Variants in SLC12A8 observed in about 807,000 individuals in gnomAD.
SLC12A8 encodes solute carrier family 12 member 8, also known as cation-chloride cotransporter 9.
SLC12A8 carries 69 observed loss-of-function variants against 75.6 expected under a neutral mutation model. The ratio of observed to expected loss-of-function variants is 0.91; its 90% confidence interval spans 0.75 to 1.11. The LOEUF is 1.11. Among genes scored for constraint, SLC12A8 ranks in the 50% most tolerant of loss-of-function variants. The pLI, the probability that SLC12A8 is intolerant of heterozygous loss-of-function variation, is 0.00. For missense variants in SLC12A8, 877 were observed against 896.7 expected (o/e 0.98, Z 0.28); for synonymous variants, 365 against 372.8 (o/e 0.98, Z 0.24).
intron 2 of SLC12A8, among the ~76,000 whole-genome samples, chr3:125,201,917 AT>A (rs56202034): frequency 0.079 from 11,962 of 151,760 alleles, 678 homozygotes; most frequent in South Asian, 0.22. Context: ...TTTTAATTTA[AT>A]TTTTTTTGAG....
chr3:125,203,224 A>C (rs1935162754), intron 2 of SLC12A8, among the ~76,000 whole-genome samples: 1 of 152,088 alleles, frequency 6.6e-6, no homozygotes, highest in Non-Finnish European at 1.5e-5. Context: ...ATAAATAGAA[A>C]AAAAAAACCC....
chr3:125,211,505 G>A (rs1466622088), intron 1 of SLC12A8, 111 bp from the exon 2 acceptor site: 2 of 701,230 alleles, frequency 2.9e-6, no homozygotes, highest in Middle Eastern at 2.4e-4. Context: ...GGCCCTGGCT[G>A]AGGAAGAAAC....
At chr3:125,101,019 C>CAAAAAAA (rs59602383) in intron 10 of SLC12A8, among the ~76,000 whole-genome samples, 9 of 86,724 alleles carry the variant, frequency 1.0e-4, no homozygotes, top group Admixed American at 1.4e-4. Flanking sequence ...GACTCCGTCT[C>CAAAAAAA]AAAAAAAAAA....
intron 12 of SLC12A8, 138 bp from the exon 13 acceptor site, chr3:125,088,508 TA>T (rs975873740): frequency 7.6e-5 from 52 of 688,026 alleles, no homozygotes; most frequent in Non-Finnish European, 7.1e-5. Flanking sequence ...TTTTTCAGTC[TA>T]AACAAATAAT....
At chr3:125,104,565 T>C (rs895402333) in intron 10 of SLC12A8, among the ~76,000 whole-genome samples, 1 of 149,660 alleles carries the variant, frequency 6.7e-6, no homozygotes, top group African/African-American at 2.5e-5. Context: ...GTCTTGGAAA[T>C]TAAAAACTGG....
intron 7 of SLC12A8, among the ~76,000 whole-genome samples, chr3:125,119,533 G>A (rs1278852237): frequency 6.6e-6 from 1 of 152,240 alleles, no homozygotes; most frequent in Non-Finnish European, 1.5e-5. Context: ...GTAATCAGAG[G>A]ATGGGCCAAG....
Position 125,131,567 on chromosome 3 carries a change from T to C in SLC12A8, c.736+4102A>G, listed in dbSNP as rs548323216. Among the ~76,000 whole-genome samples, 22 of 152,204 alleles carry C rather than the reference T, an allele frequency of 1.4e-4. No homozygotes were observed. In the East Asian group the frequency reaches 2.1e-3, roughly 15 times the overall value. On this transcript the variant is annotated intron_variant, in intron 6 of 13. Transcript: ENST00000469902. ...CACACCTGGCTAATTTTTGTATTTTTAGTAGAGATGGGGTTTCACCATGTT... is the reference window on the plus strand; with the variant it reads ...CACACCTGGCTAATTTTTGTATTTTCAGTAGAGATGGGGTTTCACCATGTT...
intron 5 of SLC12A8, among the ~76,000 whole-genome samples, chr3:125,138,832 AC>A (rs1447740793): frequency 6.8e-6 from 1 of 146,382 alleles, no homozygotes; most frequent in East Asian, 2.0e-4. Flanking sequence ...ACACAGAAAG[AC>A]CCCTTCTACA....
chr3:125,099,789 A>G (rs562555007), intron 10 of SLC12A8, among the ~76,000 whole-genome samples: 2 of 152,260 alleles, frequency 1.3e-5, no homozygotes, highest in South Asian at 4.1e-4. Flanking sequence ...TTAGCTGAGC[A>G]TGGTGGTGGG....
At chr3:125,188,989 T>C (rs1018177562) in intron 3 of SLC12A8, among the ~76,000 whole-genome samples, 4 of 152,216 alleles carry the variant, frequency 2.6e-5, no homozygotes, top group African/African-American at 9.7e-5. Context: ...TTTGCCTATG[T>C]AATGGTTAAT....
At chr3:125,094,882 T>G (rs138877560) in intron 10 of SLC12A8, among the ~76,000 whole-genome samples, 1 of 152,338 alleles carries the variant, frequency 6.6e-6, no homozygotes, top group East Asian at 1.9e-4. Flanking sequence ...CCTCATCCCA[T>G]TTGATCTTTC....
At chr3:125,084,560 GC>G (rs1325273226) in intron 13 of SLC12A8, among the ~76,000 whole-genome samples, 1 of 152,242 alleles carries the variant, frequency 6.6e-6, no homozygotes, top group African/African-American at 2.4e-5. Context: ...CACCAAGGTG[GC>G]CTCAGGTGAA....
intron 8 of SLC12A8, among the ~76,000 whole-genome samples, chr3:125,114,657 C>T (rs189212026): frequency 1.3e-5 from 2 of 152,178 alleles, no homozygotes; most frequent in Non-Finnish European, 2.9e-5. Context: ...GAACTCCTGA[C>T]CTCAAGTGAT....
chr3:125,143,523 G>C lies in SLC12A8; in HGVS notation c.623-7741C>G, dbSNP rs572301191. The stretch of plus-strand genomic sequence containing the variant: ...AGAGGGTGGAGAGAGGATGTGCACA[G>C]GGTTTCCAGCCTAAGACCCCACCCA... On this transcript the variant is annotated intron_variant, in intron 5 of 13. Transcript: ENST00000469902. 1.3e-4 allele frequency among the ~76,000 whole-genome samples: 20 copies of C among 152,364 alleles called. No individual in the cohort carries two copies. The South Asian group carries it at 4.1e-3, about 32-fold the overall frequency.
chr3:125,094,124 T>C (rs1171851835), intron 10 of SLC12A8, among the ~76,000 whole-genome samples: 2 of 152,202 alleles, frequency 1.3e-5, no homozygotes, highest in African/African-American at 2.4e-5. Context: ...TTACACTTCC[T>C]AAATCATGAC....
Position 125,091,525 on chromosome 3 carries a change from A to C in SLC12A8, c.1835T>G (p.Ile612Arg). The change falls in exon 12 of 14, where the codon ATA becomes AGA. Residue 612 changes from isoleucine (I) to arginine (R), a missense_variant. By Grantham distance (97) the Ile-to-Arg change is moderately conservative. Transcript: ENST00000469902. ...AVGSLLIMFV[I>R]QWVYTLVNMG... ...GTTAACCAGGGTATACACCCACTGT[A>C]TCACAAACATGATGAGAAGGGACCC... is the stretch of plus-strand genomic sequence containing the variant. The C allele has an allele frequency of 6.2e-7, 1 of 1,614,006 alleles. No individual in the cohort carries two copies. The highest frequency in any genetic ancestry group is 2.2e-5 in the East Asian group (1 of 44,886).
chr3:125,134,111 C>T (rs1279053315), intron 6 of SLC12A8, among the ~76,000 whole-genome samples: 1 of 151,470 alleles, frequency 6.6e-6, no homozygotes, highest in Non-Finnish European at 1.5e-5. Flanking sequence ...AGTTATTTTT[C>T]TTTGTTTAGA....
chr3:125,083,780 G>C lies in SLC12A8; in HGVS notation c.*110C>G. ...TTTCCATTGTCCAAAGTGACAGCGG[G>C]AGGATGGGTCTTGAGTTTCTCAGGT... On this transcript the variant is annotated 3_prime_UTR_variant, in exon 14 of 14. Coordinates refer to ENST00000469902, the MANE Select transcript of SLC12A8 (RefSeq NM_024628.6). The C allele has an allele frequency of 9.6e-7, 1 of 1,038,466 alleles. No individual in the cohort carries two copies. The highest frequency in any genetic ancestry group is 1.4e-6 in the Non-Finnish European group (1 of 726,532). 64.3% of individuals were successfully genotyped at this position (1,038,466 alleles called of 1,614,324 possible). A position where few individuals can be genotyped will look rare whatever the true frequency, so the allele number is the denominator to read the frequency against.
intron 5 of SLC12A8, among the ~76,000 whole-genome samples, chr3:125,154,203 A>T (rs1302883133): frequency 1.3e-5 from 2 of 152,140 alleles, no homozygotes; most frequent in African/African-American, 4.8e-5. Flanking sequence ...CTTTCACTTC[A>T]CTAGTCAGCA....
Sources: gnomAD v4.1 joint callset for allele counts (sites outside exome capture counted in the v4.1 genomes callset) on GRCh38, gnomAD v4.1.1 for gene constraint, MANE v1.5 for transcripts, NCBI Gene and HGNC (gene_info 2026-07-23, HGNC 2026-07-21) for gene names.